Variants in NUBP1 observed in about 807,000 individuals in gnomAD.
The protein encoded by NUBP1 is cytosolic Fe-S cluster assembly factor NUBP1.
Under a neutral mutation model 41.8 loss-of-function variants are expected in NUBP1, and 46 were observed. The ratio of observed to expected loss-of-function variants is 1.10; its 90% CI spans 0.87 to 1.41. The LOEUF (loss-of-function observed/expected upper bound fraction) is 1.41. NUBP1 is among the 40% of genes most tolerant of loss of function. The pLI is 0.00. For synonymous variants in NUBP1, 189 were observed against 154.6 expected (o/e 1.22, Z -1.65); for missense variants, 494 against 414.0 (o/e 1.19, Z -1.68).
chr16:10,762,383 A>G (rs2030061415), intron 9 of NUBP1, among the ~76,000 whole-genome samples: 1 of 152,192 alleles, frequency 6.6e-6, no homozygotes, highest in Non-Finnish European at 1.5e-5. Context: ...TGGGTCTCCC[A>G]GGATCCCAAG....
chr16:10,765,507 CA>C lies in NUBP1; in HGVS notation c.821-2433del, dbSNP rs2030744921. On this transcript the variant is annotated intron_variant, in intron 9 of 10. Transcript: ENST00000283027. The surrounding 1 kb of genome is among the most constrained non-coding windows in gnomAD (Gnocchi z 4.0). The stretch of plus-strand genomic sequence containing the variant: ...TGGGCGACAGAGCAAGAACCTGTCT[CA>C]AAAAAAAATTTAAAAATGGCATGCT... 6.6e-6 allele frequency among the ~76,000 whole-genome samples: 1 copy of C among 151,544 alleles called. No individual in the cohort carries two copies. Among genetic ancestry groups the C allele is most frequent in the Non-Finnish European group, 1.5e-5 (1 of 67,890 alleles).
Position 10,766,740 on chromosome 16 carries a change from G to A in NUBP1, c.821-1209G>A, listed in dbSNP as rs895677365. 1.3e-5 allele frequency: 5 copies of A among 394,250 alleles called. No homozygotes were observed. Among genetic ancestry groups the A allele is most frequent in the Admixed American group, 4.4e-5 (1 of 22,574 alleles). The allele number at this position is 394,250 out of a possible 1,614,324, so 24.4% of individuals were successfully genotyped here. On this transcript the variant is annotated intron_variant, in intron 9 of 10. Coordinates refer to ENST00000283027, the MANE Select transcript of NUBP1 (RefSeq NM_002484.4). The surrounding 1 kb of genome is among the most constrained non-coding windows in gnomAD (Gnocchi z 4.8). ...ACTCCACGGTGTGGGAGGAGAACGGGCCTGAGAATAGGGGCTCAAAGGCCC... is the reference window on the plus strand; with the variant it reads ...ACTCCACGGTGTGGGAGGAGAACGGACCTGAGAATAGGGGCTCAAAGGCCC...
chr16:10,752,054 C>T (rs965076997), intron 3 of NUBP1, among the ~76,000 whole-genome samples: 23 of 152,224 alleles, frequency 1.5e-4, no homozygotes, highest in Non-Finnish European at 3.2e-4. Context: ...AGGCGTGAGC[C>T]ACTGCACCCA....
chr16:10,756,695 G>A lies in NUBP1; in HGVS notation c.366G>A (p.Val122=). The A allele has an allele frequency of 6.4e-7, 1 of 1,567,356 alleles. No individual in the cohort carries two copies. The highest frequency in any genetic ancestry group is 2.5e-5 in the East Asian group (1 of 40,428). Residue 122 remains valine, a synonymous_variant, in exon 6 of 11, where the codon GTG becomes GTA. Coordinates refer to ENST00000283027, the MANE Select transcript of NUBP1 (RefSeq NM_002484.4). The part of the protein sequence containing the change: ...QSGSGWSPVY[V]EDNLGVMSVG... ...TCACCCTGTTCCCTCTGCAGTACGT[G>A]GAAGACAACCTGGGGGTGATGTCAG...
rs1024984363 is a variant in NUBP1 at position 10,768,951 on chromosome 16, C to T, written c.905-96C>T. On this transcript the variant is annotated intron_variant, in intron 10 of 10. Coordinates refer to ENST00000283027, the MANE Select transcript of NUBP1 (RefSeq NM_002484.4). The surrounding 1 kb of genome is among the most constrained non-coding windows in gnomAD (Gnocchi z 4.3). ...TTTTATGGAACTAGCCAGAGGATTCCACCCCTGTCAAAACACAGCCCTCCC... is the reference window on the plus strand; with the variant it reads ...TTTTATGGAACTAGCCAGAGGATTCTACCCCTGTCAAAACACAGCCCTCCC... 2.3e-5 allele frequency: 25 copies of T among 1,077,308 alleles called. No individual in the cohort carries two copies. Among genetic ancestry groups the T allele is most frequent in the Non-Finnish European group, 3.4e-5 (24 of 705,172 alleles). The allele number at this position is 1,077,308 out of a possible 1,614,324, so 66.7% of individuals were successfully genotyped here.
intron 2 of NUBP1, among the ~76,000 whole-genome samples, chr16:10,744,911 C>T (rs1040796957): frequency 6.6e-6 from 1 of 151,950 alleles, no homozygotes; most frequent in Non-Finnish European, 1.5e-5. Context: ...GCGCCTGCCA[C>T]CACGGCTGGC....
Position 10,767,399 on chromosome 16 carries a change from A to G in NUBP1, c.821-550A>G, listed in dbSNP as rs781322623. 2.5e-6 allele frequency: 1 copy of G among 400,920 alleles called. No homozygotes were observed. The highest frequency in any genetic ancestry group is 4.4e-6 in the Non-Finnish European group (1 of 227,726). 24.8% of individuals were successfully genotyped at this position (400,920 alleles called of 1,614,324 possible). On this transcript the variant is annotated intron_variant, in intron 9 of 10. Coordinates refer to ENST00000283027, the MANE Select transcript of NUBP1 (RefSeq NM_002484.4). This position sits in a 1 kb window ranked among gnomAD's most constrained non-coding sequence, Gnocchi z 4.6. ...CACAGATGACCTGGAAGATAAAATT[A>G]TACACAGACAAAGCAGCAGGCAGAA... is the stretch of plus-strand genomic sequence containing the variant.
chr16:10,757,770 C>A lies in NUBP1; in HGVS notation c.452-103C>A. Reference sequence around the variant, plus strand: ...TTGAGCCTCAGAGTTAAGAGCCAACCTGGGCAACATAGCAAGACCCCATCC... The same window carrying A: ...TTGAGCCTCAGAGTTAAGAGCCAACATGGGCAACATAGCAAGACCCCATCC... On this transcript the variant is annotated intron_variant, in intron 6 of 10. Transcript: ENST00000283027. This position sits in a 1 kb window ranked among gnomAD's most constrained non-coding sequence, Gnocchi z 4.1. 1 of 1,443,578 alleles carries A rather than the reference C, an allele frequency of 6.9e-7. No homozygotes were observed. The highest frequency in any genetic ancestry group is 9.4e-7 in the Non-Finnish European group (1 of 1,060,774). 89.4% of individuals were successfully genotyped at this position (1,443,578 alleles called of 1,614,324 possible).
rs200158062 is a variant in NUBP1 at position 10,749,130 on chromosome 16, C to CACAGACACACACAG, written c.258+1857_258+1858insGACACACACAGACA. On this transcript the variant is annotated intron_variant, in intron 3 of 10. Coordinates refer to ENST00000283027, the MANE Select transcript of NUBP1 (RefSeq NM_002484.4). The surrounding 1 kb of genome is among the most constrained non-coding windows in gnomAD (Gnocchi z 4.1). ...ATAGATAGATACACAGACACATACA[C>CACAGACACACACAG]ACACACACACACACACACACACACA... 4.0e-5 allele frequency among the ~76,000 whole-genome samples: 3 copies of CACAGACACACACAG among 74,866 alleles called. No individual in the cohort carries two copies. The highest frequency in any genetic ancestry group is 1.3e-4 in the African/African-American group (3 of 23,462). 49.1% of individuals were successfully genotyped at this position (74,866 alleles called of 152,430 possible). A position where few individuals can be genotyped will look rare whatever the true frequency, so the allele number is the denominator to read the frequency against.
chr16:10,757,823 T>C lies in NUBP1; in HGVS notation c.452-50T>C. The C allele has an allele frequency of 1.3e-6, 2 of 1,588,026 alleles. No individual in the cohort carries two copies. The highest frequency in any genetic ancestry group is 1.7e-6 in the Non-Finnish European group (2 of 1,162,340). On this transcript the variant is annotated intron_variant, in intron 6 of 10. Coordinates refer to ENST00000283027, the MANE Select transcript of NUBP1 (RefSeq NM_002484.4). This position sits in a 1 kb window ranked among gnomAD's most constrained non-coding sequence, Gnocchi z 4.1. ...TAAAAAAAAAAGAGGGAGTTGAAAG[T>C]ACAGAAAAGAAAGGAAAAGTAAGCA...
At chr16:10,746,426 GT>G (rs1348427544) in intron 2 of NUBP1, among the ~76,000 whole-genome samples, 2 of 152,164 alleles carry the variant, frequency 1.3e-5, no homozygotes, top group African/African-American at 2.4e-5. Flanking sequence ...AATGCCAGCA[GT>G]ACCTCTCCTG....
In NUBP1 at chr16:10,769,008, A is replaced by C. The variant is rs1310734724; in HGVS notation, c.905-39A>C. On this transcript the variant is annotated intron_variant, in intron 10 of 10. Coordinates refer to ENST00000283027, the MANE Select transcript of NUBP1 (RefSeq NM_002484.4). ...AGGACAGGGCTGTCAAGGGGTAGAC[A>C]AGCCATTAGCACTCTATGCCTGTCG... The C allele has an allele frequency of 1.9e-6, 3 of 1,589,934 alleles. No homozygotes were observed. In the African/African-American group the frequency reaches 4.0e-5, roughly 21 times the overall value.
Position 10,762,835 on chromosome 16 carries a change from G to A in NUBP1, c.820+976G>A, listed in dbSNP as rs187035300. On this transcript the variant is annotated intron_variant, in intron 9 of 10. Transcript: ENST00000283027. ...CGTGCTTGGGGAGAGGGCGGGGCCC[G>A]TGGAGAGCCTGGAGGCGGGGAGGGC... Among the ~76,000 whole-genome samples the A allele has an allele frequency of 5.0e-4, 76 of 152,256 alleles. No individual in the cohort carries two copies. The East Asian group carries it at 0.013, about 26-fold the overall frequency.
rs2031066781 is a variant in NUBP1, at chr16:10,767,476, A to G, written c.821-473A>G. 2.5e-6 allele frequency: 1 copy of G among 402,396 alleles called. No individual in the cohort carries two copies. The highest frequency in any genetic ancestry group is 4.4e-6 in the Non-Finnish European group (1 of 229,314). 24.9% of individuals were successfully genotyped at this position (402,396 alleles called of 1,614,324 possible). A position where few individuals can be genotyped will look rare whatever the true frequency, so the allele number is the denominator to read the frequency against. On this transcript the variant is annotated intron_variant, in intron 9 of 10. Transcript: ENST00000283027. The surrounding 1 kb of genome is among the most constrained non-coding windows in gnomAD (Gnocchi z 4.6). ...ATTTTAGGTATATGAGAGTGTGTGTATGTGTGTGCGCACACATGCAAGTGT... is the reference window on the plus strand; with the variant it reads ...ATTTTAGGTATATGAGAGTGTGTGTGTGTGTGTGCGCACACATGCAAGTGT...
rs575402504 is a variant in NUBP1 at position 10,747,413 on chromosome 16, C to A, written c.258+137C>A. On this transcript the variant is annotated intron_variant, in intron 3 of 10. Coordinates refer to ENST00000283027, the MANE Select transcript of NUBP1 (RefSeq NM_002484.4). The stretch of plus-strand genomic sequence containing the variant: ...CTTTGGGAGGCCAAGGCGGGCAGAT[C>A]ACTTGAGGCCAGGAGTTTGAGATCA... The A allele has an allele frequency of 6.3e-6, 7 of 1,110,684 alleles. No individual in the cohort carries two copies. In the African/African-American group the frequency reaches 1.1e-4, roughly 17 times the overall value. The allele number at this position is 1,110,684 out of a possible 1,614,324, so 68.8% of individuals were successfully genotyped here.
intron 4 of NUBP1, among the ~76,000 whole-genome samples, chr16:10,753,508 C>T (rs1009286253): frequency 1.3e-5 from 2 of 152,036 alleles, no homozygotes; most frequent in Non-Finnish European, 2.9e-5. Context: ...CCCCCAAGGG[C>T]AGTGCATGGA....
chr16:10,746,565 ACAC>A (rs1900073551), intron 2 of NUBP1, among the ~76,000 whole-genome samples: 1 of 152,146 alleles, frequency 6.6e-6, no homozygotes, highest in Non-Finnish European at 1.5e-5. Context: ...ACATAGAGAA[ACAC>A]CGTCTCTATT....
chr16:10,767,872 G>T lies in NUBP1; in HGVS notation c.821-77G>T. The T allele has an allele frequency of 7.4e-7, 1 of 1,352,414 alleles. No homozygotes were observed. 83.8% of individuals were successfully genotyped at this position (1,352,414 alleles called of 1,614,324 possible). ...AAGATCTTCCCATTGTCACCAGCAC[G>T]GAAAGAGCCCCAAGATCTTGTGGCC... is the stretch of plus-strand genomic sequence containing the variant. On this transcript the variant is annotated intron_variant, in intron 9 of 10. Coordinates refer to ENST00000283027, the MANE Select transcript of NUBP1 (RefSeq NM_002484.4). The surrounding 1 kb of genome is among the most constrained non-coding windows in gnomAD (Gnocchi z 4.6).
rs777149995 is a variant in NUBP1, at chr16:10,749,120, G to GACACACAC, written c.258+1849_258+1850insCACACACA. 0.018 allele frequency among the ~76,000 whole-genome samples: 1,630 copies of GACACACAC among 92,334 alleles called. 63 individuals are homozygous for GACACACAC. The highest frequency in any genetic ancestry group is 0.051 in the African/African-American group (1,326 of 25,786). The allele number at this position is 92,334 out of a possible 152,430, so 60.6% of individuals were successfully genotyped here. On this transcript the variant is annotated intron_variant, in intron 3 of 10. Transcript: ENST00000283027. The surrounding 1 kb of genome is among the most constrained non-coding windows in gnomAD (Gnocchi z 4.1). ...AAAAAAGGATATAGATAGATACACAGACACATACACACACACACACACACA... is the reference window on the plus strand; with the variant it reads ...AAAAAAGGATATAGATAGATACACAGACACACACACACATACACACACACACACACACA...
Sources: allele counts gnomAD v4.1 joint callset (sites outside exome capture counted in the v4.1 genomes callset), GRCh38; gene constraint gnomAD v4.1.1; non-coding constraint Gnocchi (gnomAD v3.1); transcripts MANE v1.5; gene names NCBI Gene and HGNC (gene_info 2026-07-23, HGNC 2026-07-21).